CDKAL1: variants seen among roughly 807,000 people sequenced by gnomAD.
CDKAL1 encodes the protein CDKAL1 threonylcarbamoyladenosine tRNA methylthiotransferase.
Under a neutral mutation model 68.2 loss-of-function variants are expected in CDKAL1, and 32 were observed. That is an observed-to-expected ratio of 0.47 (90% CI 0.35 to 0.63). The LOEUF is 0.63. CDKAL1 is among the 30% of genes least tolerant of loss of function. The pLI is 0.00. For synonymous variants in CDKAL1, 234 were observed against 244.3 expected (o/e 0.96, Z 0.39); for missense variants, 606 against 696.7 (o/e 0.87, Z 1.47).
intron 15 of CDKAL1, among the ~76,000 whole-genome samples, chr6:21,205,852 T>TTTTTTA (rs1778905217): frequency 7.9e-6 from 1 of 126,062 alleles, no homozygotes; most frequent in African/African-American, 3.2e-5. Flanking sequence ...TTTTTTTTTT[T>TTTTTTA]GAGACAGAGT....
chr6:20,871,077 C>G (rs1760186438), intron 9 of CDKAL1, among the ~76,000 whole-genome samples: 1 of 152,274 alleles, frequency 6.6e-6, no homozygotes, highest in East Asian at 1.9e-4. Flanking sequence ...TTATTGCACA[C>G]AAGTAATGCT....
In CDKAL1 at chr6:21,000,454, T is replaced by C. The variant is rs1581999723; in HGVS notation, c.1055+82T>C. ...GGCAAAAATGCACTTATTGCAGCCT[T>C]ACAATTAAAGGTACAAGAGAGAAGG... On this transcript the variant is annotated intron_variant, in intron 11 of 15. Coordinates refer to ENST00000274695, the MANE Select transcript of CDKAL1 (RefSeq NM_017774.3). The C allele has an allele frequency of 7.3e-6, 9 of 1,239,454 alleles. No individual in the cohort carries two copies. The East Asian group carries it at 1.9e-4, about 26-fold the overall frequency. The allele number at this position is 1,239,454 out of a possible 1,614,324, so 76.8% of individuals were successfully genotyped here.
At chr6:20,933,687 G>C (rs1205527728) in intron 9 of CDKAL1, among the ~76,000 whole-genome samples, 3 of 152,182 alleles carry the variant, frequency 2.0e-5, no homozygotes, top group Non-Finnish European at 4.4e-5. Flanking sequence ...CTTTCTATTT[G>C]TCAAGGTAAG....
intron 5 of CDKAL1, among the ~76,000 whole-genome samples, chr6:20,690,694 A>G (rs1770833876): frequency 6.6e-6 from 1 of 152,054 alleles, no homozygotes; most frequent in Non-Finnish European, 1.5e-5. Context: ...TATAGACTTC[A>G]TGTTTTTCAC....
chr6:20,962,001 G>A (rs1374272086), intron 10 of CDKAL1, among the ~76,000 whole-genome samples: 2 of 152,164 alleles, frequency 1.3e-5, no homozygotes, highest in Non-Finnish European at 2.9e-5. Flanking sequence ...TAAGAGACTT[G>A]CGTGTCTCAA....
Position 20,909,329 on chromosome 6 carries a change from A to G in CDKAL1, c.743-46090A>G, listed in dbSNP as rs1762367156. 2.6e-5 allele frequency among the ~76,000 whole-genome samples: 4 copies of G among 152,186 alleles called. No homozygotes were observed. In the South Asian group the frequency reaches 8.3e-4, roughly 31 times the overall value. Reference sequence around the variant, plus strand: ...AGAAAATTGGGATTAGGGAATCAGAATTGATGATGGGACCAAAAATGGGTC... The same window carrying G: ...AGAAAATTGGGATTAGGGAATCAGAGTTGATGATGGGACCAAAAATGGGTC... On this transcript the variant is annotated intron_variant, in intron 9 of 15. Coordinates refer to ENST00000274695, the MANE Select transcript of CDKAL1 (RefSeq NM_017774.3).
Position 20,852,267 on chromosome 6 carries a change from G to A in CDKAL1, c.742+6089G>A, listed in dbSNP as rs76847325. Among the ~76,000 whole-genome samples, 944 of 152,220 alleles carry A rather than the reference G, an allele frequency of 6.2e-3. 14 individuals are homozygous for A. The highest frequency in any genetic ancestry group is 5.5e-3 in the Non-Finnish European group (371 of 67,998). ...CTCTTCAGAAGAATAGTGAAATAGA[G>A]TGATTTATATAATCTGATAGGAGTA... is the stretch of plus-strand genomic sequence containing the variant. On this transcript the variant is annotated intron_variant, in intron 9 of 15. Transcript: ENST00000274695.
chr6:21,124,318 T>C, intron 13 of CDKAL1, among the ~76,000 whole-genome samples: 1 of 152,142 alleles, frequency 6.6e-6, no homozygotes, highest in East Asian at 1.9e-4. Flanking sequence ...CACATTTCTC[T>C]TCATTTGTGT....
chr6:20,650,905 T>C lies in CDKAL1; in HGVS notation c.371+1528T>C, dbSNP rs531993998. The stretch of plus-strand genomic sequence containing the variant: ...TTCTGAGTTCTCTATTCTGTTTCCT[T>C]GGTCTATGTATCTGTTTTTACACCA... On this transcript the variant is annotated intron_variant, in intron 5 of 15. Coordinates refer to ENST00000274695, the MANE Select transcript of CDKAL1 (RefSeq NM_017774.3). 5.3e-5 allele frequency among the ~76,000 whole-genome samples: 8 copies of C among 152,302 alleles called. No homozygotes were observed. In the South Asian group the frequency reaches 1.0e-3, roughly 20 times the overall value.
At chr6:20,612,900 ACCAAAAC>A (rs1766681328) in intron 4 of CDKAL1, among the ~76,000 whole-genome samples, 1 of 151,772 alleles carries the variant, frequency 6.6e-6, no homozygotes, top group Non-Finnish European at 1.5e-5. Flanking sequence ...TTCAAAGGGA[ACCAAAAC>A]CCATACAGTA....
intron 11 of CDKAL1, among the ~76,000 whole-genome samples, chr6:21,035,903 C>T (rs1459144273): frequency 1.3e-5 from 2 of 152,134 alleles, no homozygotes; most frequent in African/African-American, 4.8e-5. Flanking sequence ...GATTCTACTT[C>T]CTCTATTTGT....
chr6:20,627,272 A>G (rs1161013334), intron 4 of CDKAL1, among the ~76,000 whole-genome samples: 11 of 152,218 alleles, frequency 7.2e-5, no homozygotes, highest in Non-Finnish European at 1.5e-5. Flanking sequence ...ACTACTAGAT[A>G]AAGGAATGAG....
intron 6 of CDKAL1, chr6:20,756,062 G>A (rs925623803): frequency 6.6e-6 from 1 of 152,094 alleles, no homozygotes; most frequent in South Asian, 2.1e-4. Flanking sequence ...TTCAGGAGAC[G>A]AAGAGTTGGC....
At chr6:20,853,885 A>G (rs1280076331) in intron 9 of CDKAL1, among the ~76,000 whole-genome samples, 2 of 152,186 alleles carry the variant, frequency 1.3e-5, no homozygotes, top group African/African-American at 4.8e-5. Context: ...AATAATGGCC[A>G]TATGGGGAAG....
At chr6:21,043,425 A>G (rs1216089870) in intron 11 of CDKAL1, among the ~76,000 whole-genome samples, 2 of 152,142 alleles carry the variant, frequency 1.3e-5, no homozygotes, top group Admixed American at 6.5e-5. Flanking sequence ...TCAGACTCCA[A>G]AAATCTATGT....
chr6:20,895,533 T>C (rs930501070), intron 9 of CDKAL1, among the ~76,000 whole-genome samples: 1 of 152,216 alleles, frequency 6.6e-6, no homozygotes, highest in African/African-American at 2.4e-5. Context: ...ATCAGAAGAA[T>C]GAACTCAAAT....
At chr6:21,003,371 T>TATACACAC in intron 11 of CDKAL1, among the ~76,000 whole-genome samples, 14 of 49,304 alleles carry the variant, frequency 2.8e-4, no homozygotes, top group African/African-American at 1.3e-3. Context: ...TATATATATA[T>TATACACAC]ACACACACAC....
chr6:21,092,023 A>G (rs955755892), intron 12 of CDKAL1, among the ~76,000 whole-genome samples: 9 of 149,864 alleles, frequency 6.0e-5, no homozygotes, highest in African/African-American at 2.2e-4. Context: ...AGTAGCTGGG[A>G]CTACAGGCGC....
intron 5 of CDKAL1, among the ~76,000 whole-genome samples, chr6:20,653,121 A>AAT: frequency 6.6e-6 from 1 of 152,320 alleles, no homozygotes; most frequent in East Asian, 1.9e-4. Flanking sequence ...TTTTATTATT[A>AAT]ATAGAGTTTT....
Sources: allele counts gnomAD v4.1 joint callset (sites outside exome capture counted in the v4.1 genomes callset), GRCh38; gene constraint gnomAD v4.1.1; transcripts MANE v1.5; gene names NCBI Gene and HGNC (gene_info 2026-07-23, HGNC 2026-07-21).